Variants in DNAAF11 observed in about 807,000 individuals in gnomAD.
DNAAF11 encodes dynein axonemal assembly factor 11.
DNAAF11 carries 45 observed loss-of-function variants against 60.8 expected under a neutral mutation model. That is an observed-to-expected ratio of 0.74 (90% CI 0.58 to 0.95). The LOEUF is 0.95. DNAAF11 is among the 40% of genes least tolerant of loss of function. The pLI, the probability that DNAAF11 is intolerant of heterozygous loss-of-function variation, is 0.00. For synonymous variants in DNAAF11, 191 were observed against 183.5 expected (o/e 1.04, Z -0.33); for missense variants, 546 against 546.2 (o/e 1.00, Z 0.00).
chr8:132,625,943 A>G (rs923701460), intron 5 of DNAAF11, among the ~76,000 whole-genome samples: 1 of 152,116 alleles, frequency 6.6e-6, no homozygotes, highest in Admixed American at 6.5e-5. Context: ...TCTCCACACT[A>G]CTTCCAGAAG....
chr8:132,633,082 ATAAT>A (rs1484008408), intron 4 of DNAAF11, 119 bp from the exon 5 acceptor site: 3 of 612,304 alleles, frequency 4.9e-6, no homozygotes, highest in Non-Finnish European at 5.7e-6. Flanking sequence ...TTAAAACAAT[ATAAT>A]TAATGGGAAA....
chr8:132,677,955 A>G (rs1386256877), upstream of DNAAF11, among the ~76,000 whole-genome samples: 2 of 152,158 alleles, frequency 1.3e-5, no homozygotes, highest in African/African-American at 2.4e-5. Context: ...CTGTGACTCA[A>G]TCACCTCCTT....
chr8:132,646,907 AC>A (rs1822455120), intron 3 of DNAAF11, among the ~76,000 whole-genome samples: 1 of 152,162 alleles, frequency 6.6e-6, no homozygotes, highest in Admixed American at 6.5e-5. Flanking sequence ...AGACTTTAAC[AC>A]CCCACTGTCA....
At position 132,610,263 on chromosome 8, in the gene DNAAF11, T is replaced by TG; in HGVS notation, c.1045-3dup. ...TGCAGGAAGGACAAGCTGAAATGGC[T>TG]GAAAATAAGTAGAAAGAAAGTATCA... is the stretch of plus-strand genomic sequence containing the variant. On this transcript the variant is annotated splice_polypyrimidine_tract_variant and splice_region_variant and intron_variant, in intron 9 of 11. Transcript: ENST00000620350. The TG allele has an allele frequency of 5.0e-6, 8 of 1,603,102 alleles. No individual in the cohort carries two copies. Among genetic ancestry groups the TG allele is most frequent in the Non-Finnish European group, 6.8e-6 (8 of 1,170,094 alleles).
At chr8:132,681,883 A>G in the DNAAF11 span, among the ~76,000 whole-genome samples, 1 of 152,208 alleles carries the variant, frequency 6.6e-6, no homozygotes, top group Non-Finnish European at 1.5e-5. Context: ...GGGCTCAAGT[A>G]TAGGAGTCTC....
intron 3 of DNAAF11, among the ~76,000 whole-genome samples, chr8:132,653,821 A>G (rs1823263937): frequency 6.6e-6 from 1 of 152,170 alleles, no homozygotes; most frequent in Admixed American, 6.5e-5. Flanking sequence ...AAAAATAACA[A>G]AAATGAAAAG....
intron 11 of DNAAF11, among the ~76,000 whole-genome samples, chr8:132,578,176 C>G (rs923278243): frequency 6.6e-6 from 1 of 151,906 alleles, no homozygotes; most frequent in Admixed American, 6.6e-5. Flanking sequence ...ACCTCATTTC[C>G]CAGTATATAT....
chr8:132,642,664 G>A (rs547171407), intron 3 of DNAAF11, among the ~76,000 whole-genome samples: 32 of 152,352 alleles, frequency 2.1e-4, no homozygotes, highest in Middle Eastern at 6.8e-3. Flanking sequence ...TCTGTGGAAA[G>A]AAACACGCCC....
intron 7 of DNAAF11, among the ~76,000 whole-genome samples, chr8:132,615,774 C>T (rs1048341726): frequency 6.6e-6 from 1 of 152,210 alleles, no homozygotes; most frequent in African/African-American, 2.4e-5. Context: ...GTCTAGCTTC[C>T]ACACTGAACA....
intron 3 of DNAAF11, among the ~76,000 whole-genome samples, chr8:132,649,557 A>C (rs552606778): frequency 1.2e-4 from 18 of 152,332 alleles, no homozygotes; most frequent in Non-Finnish European, 2.5e-4. Context: ...CAGCAAAAGA[A>C]ACTACCATCA....
At chr8:132,589,416 T>C (rs1490164792) in intron 10 of DNAAF11, among the ~76,000 whole-genome samples, 1 of 152,186 alleles carries the variant, frequency 6.6e-6, no homozygotes, top group Non-Finnish European at 1.5e-5. Flanking sequence ...GTCACACAGT[T>C]ACTCACCTCA....
chr8:132,580,927 C>T (rs1390965246), intron 11 of DNAAF11, among the ~76,000 whole-genome samples: 2 of 152,144 alleles, frequency 1.3e-5, no homozygotes, highest in Non-Finnish European at 2.9e-5. Flanking sequence ...ACATTTCCTA[C>T]CAGTTATAAA....
chr8:132,637,888 C>A (rs1171815512), intron 4 of DNAAF11, 47 bp downstream of exon 4: 1 of 1,498,596 alleles, frequency 6.7e-7, no homozygotes, highest in Non-Finnish European at 9.1e-7. Flanking sequence ...ATTGTAGTTG[C>A]TCATGCTCAT....
intron 10 of DNAAF11, chr8:132,608,568 C>T (rs779739495): frequency 2.4e-6 from 1 of 418,420 alleles, no homozygotes; most frequent in Non-Finnish European, 4.9e-6. Flanking sequence ...AAAAGATACA[C>T]AAATCATCTG....
chr8:132,610,203 G>C lies in DNAAF11; in HGVS notation c.1103C>G (p.Ser368Cys). The change falls in exon 10 of 12, where the codon TCT (serine) becomes TGT (cysteine). Residue 368 changes from serine to cysteine, a missense_variant. Ser to Cys is a moderately radical substitution (Grantham distance 112). Transcript: ENST00000620350. ...GATGACCAAATGACCCGTTGTCTGA[G>C]ATCTTTTAGCAGAACTACTATCGGG... ...VKPDSSSAKR[S>C]QTTGHLVICM... 1 of 1,613,976 alleles carries C rather than the reference G, an allele frequency of 6.2e-7. No homozygotes were observed. Among genetic ancestry groups the C allele is most frequent in the Non-Finnish European group, 8.5e-7 (1 of 1,179,924 alleles).
intron 10 of DNAAF11, 128 bp downstream of exon 10, chr8:132,610,038 T>G: frequency 1.6e-6 from 1 of 622,002 alleles, no homozygotes; most frequent in Non-Finnish European, 2.9e-6. Flanking sequence ...CCTCAGCTGC[T>G]GTGAGATTTC....
At chr8:132,645,521 T>C (rs1822290477) in intron 3 of DNAAF11, among the ~76,000 whole-genome samples, 1 of 152,144 alleles carries the variant, frequency 6.6e-6, no homozygotes, top group Non-Finnish European at 1.5e-5. Context: ...AGGCTTCAGA[T>C]GATCGGTAAT....
At chr8:132,581,193 A>G (rs1035465998) in intron 11 of DNAAF11, among the ~76,000 whole-genome samples, 2 of 152,236 alleles carry the variant, frequency 1.3e-5, no homozygotes, top group African/African-American at 4.8e-5. Context: ...AAGCAAAAGT[A>G]TAAAGCCTTA....
chr8:132,695,775 G>A, the DNAAF11 span, among the ~76,000 whole-genome samples: 3 of 152,268 alleles, frequency 2.0e-5, no homozygotes, highest in South Asian at 6.2e-4. Context: ...TTTAGCATGT[G>A]GGTGAAGCTG....
Sources: allele counts gnomAD v4.1 joint callset (sites outside exome capture counted in the v4.1 genomes callset), GRCh38; gene constraint gnomAD v4.1.1; transcripts MANE v1.5; gene names NCBI Gene and HGNC (gene_info 2026-07-23, HGNC 2026-07-21).